Variants in PXDNL observed in about 807,000 individuals in gnomAD.
PXDNL encodes probable oxidoreductase PXDNL.
PXDNL carries 145 observed loss-of-function variants against 150.8 expected under a neutral mutation model. The observed-to-expected ratio is 0.96, with a 90% CI of 0.84 to 1.10. PXDNL has a LOEUF of 1.10. PXDNL is among the 50% of genes least tolerant of loss of function. The pLI, the probability that PXDNL is intolerant of heterozygous loss-of-function variation, is 0.00. For synonymous variants in PXDNL, 757 were observed against 725.7 expected (o/e 1.04, Z -0.69); for missense variants, 2,087 against 1,873.9 (o/e 1.11, Z -2.10).
intron 2 of PXDNL, among the ~76,000 whole-genome samples, chr8:51,613,584 G>A (rs75501622): frequency 0.019 from 2,838 of 152,050 alleles, 104 homozygotes; most frequent in African/African-American, 0.065. Flanking sequence ...CTAAGAAGTC[G>A]AATAAGAGAA....
intron 1 of PXDNL, among the ~76,000 whole-genome samples, chr8:51,806,939 T>C (rs955227157): frequency 1.3e-5 from 2 of 152,210 alleles, no homozygotes; most frequent in Admixed American, 1.3e-4. Context: ...TACTGGCAGG[T>C]TCCCAGAGAT....
chr8:51,381,813 C>G (rs1807558191), intron 17 of PXDNL, among the ~76,000 whole-genome samples: 1 of 150,086 alleles, frequency 6.7e-6, no homozygotes, highest in South Asian at 2.1e-4. Flanking sequence ...TCCCCACGCC[C>G]AGCTAATTTT....
At chr8:51,773,794 T>A (rs2037324427) in intron 1 of PXDNL, among the ~76,000 whole-genome samples, 1 of 152,224 alleles carries the variant, frequency 6.6e-6, no homozygotes, top group South Asian at 2.1e-4. Context: ...CATATACAAT[T>A]TACCATTTTC....
chr8:51,505,403 C>T (rs565067335), intron 4 of PXDNL, among the ~76,000 whole-genome samples: 307 of 152,224 alleles, frequency 2.0e-3, no homozygotes, highest in Non-Finnish European at 3.7e-3. Context: ...TGTTCTGTGC[C>T]GTATGATCAC....
intron 12 of PXDNL, among the ~76,000 whole-genome samples, chr8:51,434,206 G>T (rs1448935776): frequency 6.6e-6 from 1 of 152,088 alleles, no homozygotes; most frequent in Non-Finnish European, 1.5e-5. Flanking sequence ...TTGAAGAATC[G>T]ATTCCAGCGT....
At position 51,319,874 on chromosome 8, in the gene PXDNL, A is replaced by G. The variant is rs1429630668; in HGVS notation, c.*17T>C. On this transcript the variant is annotated 3_prime_UTR_variant, in exon 23 of 23. Transcript: ENST00000356297. The stretch of plus-strand genomic sequence containing the variant: ...TGAGAAATTTCCCATTTGGGGCTCA[A>G]CAGCACAAAACTTTTATTAGCGCTT... The G allele has an allele frequency of 6.7e-7, 1 of 1,489,964 alleles. No individual in the cohort carries two copies. The highest frequency in any genetic ancestry group is 2.4e-5 in the Admixed American group (1 of 41,466). 92.3% of individuals were successfully genotyped at this position (1,489,964 alleles called of 1,614,324 possible).
chr8:51,560,879 A>G (rs1248093375), intron 3 of PXDNL, among the ~76,000 whole-genome samples: 2 of 151,910 alleles, frequency 1.3e-5, no homozygotes, highest in Non-Finnish European at 2.9e-5. Flanking sequence ...TGCAAATCAT[A>G]TATCTGATAA....
At chr8:51,659,674 C>T (rs1170896580) in intron 1 of PXDNL, among the ~76,000 whole-genome samples, 3 of 152,062 alleles carry the variant, frequency 2.0e-5, no homozygotes, top group South Asian at 2.1e-4. Context: ...CATGGAGTTA[C>T]ACCACATGGA....
intron 3 of PXDNL, among the ~76,000 whole-genome samples, chr8:51,569,396 A>T (rs758951330): frequency 1.3e-5 from 2 of 151,994 alleles, no homozygotes; most frequent in Non-Finnish European, 2.9e-5. Flanking sequence ...AAATATGAAC[A>T]GATTAGGGTG....
chr8:51,516,551 T>C (rs1341777389), intron 4 of PXDNL, among the ~76,000 whole-genome samples: 1 of 152,244 alleles, frequency 6.6e-6, no homozygotes, highest in Non-Finnish European at 1.5e-5. Flanking sequence ...TATTTTACTT[T>C]AAATCGACAT....
chr8:51,445,044 C>T (rs1431869132), intron 12 of PXDNL, among the ~76,000 whole-genome samples: 9 of 151,934 alleles, frequency 5.9e-5, no homozygotes, highest in Admixed American at 3.9e-4. Flanking sequence ...CTCAGCCTCC[C>T]GAGTAGCTGG....
chr8:51,366,570 G>T (rs76626789), intron 19 of PXDNL, among the ~76,000 whole-genome samples: 1,811 of 151,650 alleles, frequency 0.012, 42 homozygotes, highest in African/African-American at 0.041. Context: ...TAGAAGATAC[G>T]TTTTACGTAT....
In PXDNL at chr8:51,590,405, T is replaced by C. The variant is rs139494295; in HGVS notation, c.308+2222A>G. Among the ~76,000 whole-genome samples, 369 of 152,032 alleles carry C rather than the reference T, an allele frequency of 2.4e-3. 1 individual carries two copies. Among genetic ancestry groups the C allele is most frequent in the African/African-American group, 7.7e-3 (321 of 41,470 alleles). The stretch of plus-strand genomic sequence containing the variant: ...GACCCCAGAGCTACAGGGCCACCTA[T>C]AGCCAGAGTGGAAACTCCGGCCTGG... On this transcript the variant is annotated intron_variant, in intron 3 of 22. Coordinates refer to ENST00000356297, the MANE Select transcript of PXDNL (RefSeq NM_144651.5).
chr8:51,785,775 G>T (rs1332259798), intron 1 of PXDNL, among the ~76,000 whole-genome samples: 1 of 152,136 alleles, frequency 6.6e-6, no homozygotes, highest in Non-Finnish European at 1.5e-5. Context: ...GAACAGTATT[G>T]AAATTAGACC....
chr8:51,355,694 C>T (rs1478783627), intron 19 of PXDNL, among the ~76,000 whole-genome samples: 2 of 152,188 alleles, frequency 1.3e-5, no homozygotes, highest in Non-Finnish European at 1.5e-5. Flanking sequence ...ATTTATGACA[C>T]AAACAAATGT....
chr8:51,625,433 CA>C (rs1475486357), intron 2 of PXDNL, among the ~76,000 whole-genome samples: 1 of 152,180 alleles, frequency 6.6e-6, no homozygotes, highest in African/African-American at 2.4e-5. Flanking sequence ...AGTCAAATCA[CA>C]CTGACTAATT....
chr8:51,444,481 A>C (rs1013464156), intron 12 of PXDNL, among the ~76,000 whole-genome samples: 1 of 152,210 alleles, frequency 6.6e-6, no homozygotes, highest in Non-Finnish European at 1.5e-5. Flanking sequence ...ATTCAAGAGA[A>C]CATTCCTTAA....
At chr8:51,680,671 A>C (rs1039264156) in intron 1 of PXDNL, among the ~76,000 whole-genome samples, 4 of 152,184 alleles carry the variant, frequency 2.6e-5, no homozygotes, top group Non-Finnish European at 5.9e-5. Context: ...AGGCCACAGC[A>C]GTGACCATGG....
At chr8:51,372,440 A>C (rs928246962) in intron 18 of PXDNL, among the ~76,000 whole-genome samples, 14 of 152,176 alleles carry the variant, frequency 9.2e-5, no homozygotes, top group Non-Finnish European at 1.8e-4. Context: ...GTTGGAGTGC[A>C]GTGGCATGAT....
Sources: gnomAD v4.1 joint callset for allele counts (sites outside exome capture counted in the v4.1 genomes callset) on GRCh38, gnomAD v4.1.1 for gene constraint, MANE v1.5 for transcripts, NCBI Gene and HGNC (gene_info 2026-07-23, HGNC 2026-07-21) for gene names.